Variants in NAV2 observed in about 807,000 individuals in gnomAD.
NAV2 encodes neuron navigator 2.
NAV2 carries 54 observed loss-of-function variants against 223.2 expected under a neutral mutation model. The ratio of observed to expected loss-of-function variants is 0.24; its 90% confidence interval spans 0.19 to 0.30. The LOEUF (loss-of-function observed/expected upper bound fraction) is 0.30, where lower values mean the gene tolerates loss of function less well. Among genes scored for constraint, NAV2 ranks in the 10% least tolerant of loss-of-function variants. The pLI, the probability that NAV2 is intolerant of heterozygous loss-of-function variation, is 1.00. For synonymous variants in NAV2, 1,279 were observed against 1,239.3 expected, an observed-to-expected ratio of 1.03 and a Z score of -0.67; for missense variants, 2,806 against 3,147.5, an observed-to-expected ratio of 0.89 and a Z score of 2.60.
chr11:19,619,296 A>C (rs1217068195), intron 1 of NAV2, among the ~76,000 whole-genome samples: 6 of 152,082 alleles, frequency 3.9e-5, no homozygotes, highest in Non-Finnish European at 8.8e-5. Context: ...AGCTGGGTCA[A>C]GTGGTATTTC....
chr11:20,037,252 C>T (rs192387579), intron 12 of NAV2, among the ~76,000 whole-genome samples: 108 of 146,346 alleles, frequency 7.4e-4, no homozygotes, highest in African/African-American at 2.5e-3. Flanking sequence ...AGCACTGCCC[C>T]GTCTTTCACT....
chr11:19,899,646 C>T (rs974387587), intron 6 of NAV2, among the ~76,000 whole-genome samples: 5 of 152,252 alleles, frequency 3.3e-5, no homozygotes, highest in African/African-American at 9.6e-5. Context: ...GAATGATGCT[C>T]ACGTGTTCTA....
At chr11:19,501,654 G>A (rs1025440861) in intron 1 of NAV2, among the ~76,000 whole-genome samples, 1 of 151,902 alleles carries the variant, frequency 6.6e-6, no homozygotes, top group Non-Finnish European at 1.5e-5. Flanking sequence ...TCCAAAGGGT[G>A]TGTTCTTATA....
intron 1 of NAV2, among the ~76,000 whole-genome samples, chr11:19,355,022 A>G (rs1391373327): frequency 6.6e-6 from 1 of 152,226 alleles, no homozygotes; most frequent in Non-Finnish European, 1.5e-5. Context: ...CCGGGGAGAC[A>G]GGGGGCTTCT....
At chr11:19,825,313 A>T (rs1172006924) in intron 1 of NAV2, among the ~76,000 whole-genome samples, 1 of 150,522 alleles carries the variant, frequency 6.6e-6, no homozygotes, top group African/African-American at 2.4e-5. Flanking sequence ...AAAAAAAAAA[A>T]AAAAAAAAGG....
At chr11:19,983,701 T>A (rs920646189) in intron 10 of NAV2, among the ~76,000 whole-genome samples, 3 of 152,230 alleles carry the variant, frequency 2.0e-5, no homozygotes, top group African/African-American at 4.8e-5. Context: ...TGCCTGCTTT[T>A]TCCACTCACT....
intron 1 of NAV2, among the ~76,000 whole-genome samples, chr11:19,483,800 A>T (rs1278854559): frequency 6.6e-6 from 1 of 152,122 alleles, no homozygotes; most frequent in African/African-American, 2.4e-5. Context: ...CTGGGGGTCT[A>T]GAAATGCATC....
At chr11:19,907,793 G>A (rs541100200) in intron 6 of NAV2, among the ~76,000 whole-genome samples, 7 of 152,224 alleles carry the variant, frequency 4.6e-5, no homozygotes, top group Non-Finnish European at 1.0e-4. Context: ...CTCTGAATAT[G>A]ATTTTATTTT....
intron 1 of NAV2, among the ~76,000 whole-genome samples, chr11:19,768,570 G>T (rs147084016): frequency 1.9e-4 from 29 of 152,292 alleles, no homozygotes; most frequent in African/African-American, 6.3e-4. Context: ...CTTGGCACTT[G>T]TTCTCAAATA....
intron 1 of NAV2, among the ~76,000 whole-genome samples, chr11:19,647,182 G>A (rs146046971): frequency 7.3e-4 from 111 of 152,286 alleles, no homozygotes; most frequent in African/African-American, 2.4e-3. Flanking sequence ...GGCCTGAGAG[G>A]ATGTGGCTGA....
chr11:19,608,404 G>T (rs1458184863), intron 1 of NAV2, among the ~76,000 whole-genome samples: 2 of 152,266 alleles, frequency 1.3e-5, no homozygotes, highest in Admixed American at 6.5e-5. Context: ...ACACTGCCTT[G>T]CAGTGCTTAT....
At chr11:19,760,515 C>A (rs1175265909) in intron 1 of NAV2, among the ~76,000 whole-genome samples, 3 of 152,164 alleles carry the variant, frequency 2.0e-5, no homozygotes, top group African/African-American at 7.2e-5. Context: ...GAGAAGAGAC[C>A]ATTTGCTGGT....
chr11:20,095,377 C>T (rs2061174507), intron 29 of NAV2, among the ~76,000 whole-genome samples: 1 of 152,118 alleles, frequency 6.6e-6, no homozygotes, highest in African/African-American at 2.4e-5. Flanking sequence ...GAGAGAGTTC[C>T]ATACAAGGAA....
At chr11:19,627,486 T>A (rs2047204777) in intron 1 of NAV2, among the ~76,000 whole-genome samples, 1 of 152,084 alleles carries the variant, frequency 6.6e-6, no homozygotes. Flanking sequence ...TTTTCATGCA[T>A]GAAATTCTCT....
chr11:19,359,548 G>A (rs1853813091), intron 1 of NAV2, among the ~76,000 whole-genome samples: 1 of 152,232 alleles, frequency 6.6e-6, no homozygotes, highest in Non-Finnish European at 1.5e-5. Flanking sequence ...CAAATTGTGA[G>A]AGCAAGTAAT....
intron 1 of NAV2, among the ~76,000 whole-genome samples, chr11:19,410,061 C>G (rs754352807): frequency 6.6e-6 from 1 of 152,196 alleles, no homozygotes; most frequent in African/African-American, 2.4e-5. Context: ...TCCACAGCTT[C>G]TCCCTGCCAA....
intron 1 of NAV2, among the ~76,000 whole-genome samples, chr11:19,484,461 C>T (rs1458350159): frequency 6.6e-6 from 1 of 152,272 alleles, no homozygotes; most frequent in Non-Finnish European, 1.5e-5. Context: ...GCTTAGCCAA[C>T]TGACACTTCC....
intron 10 of NAV2, among the ~76,000 whole-genome samples, chr11:19,962,336 C>T (rs1487882611): frequency 6.6e-6 from 1 of 152,026 alleles, no homozygotes; most frequent in Non-Finnish European, 1.5e-5. Context: ...CTAAAATATT[C>T]CTTTGCAACA....
chr11:19,785,595 C>T (rs1392592503), intron 1 of NAV2, among the ~76,000 whole-genome samples: 1 of 150,828 alleles, frequency 6.6e-6, no homozygotes, highest in Non-Finnish European at 1.5e-5. Context: ...CCTGAGATAG[C>T]AATGAATTCA....
Sources: allele counts gnomAD v4.1 joint callset (sites outside exome capture counted in the v4.1 genomes callset), GRCh38; gene constraint gnomAD v4.1.1; transcripts MANE v1.5; gene names NCBI Gene and HGNC (gene_info 2026-07-23, HGNC 2026-07-21).